TPGS2: variants seen among roughly 807,000 people sequenced by gnomAD.
TPGS2 encodes polyglutamylase subunit 2.
TPGS2 carries 26 observed loss-of-function variants against 31.1 expected under a neutral mutation model. The ratio of observed to expected loss-of-function variants is 0.84; its 90% CI spans 0.61 to 1.16. The LOEUF (loss-of-function observed/expected upper bound fraction) is 1.16, where lower values mean the gene tolerates loss of function less well. TPGS2 is among the 50% of genes most tolerant of loss of function. The pLI, the probability that TPGS2 is intolerant of heterozygous loss-of-function variation, is 0.00. For missense variants in TPGS2, 351 were observed against 363.8 expected (o/e 0.96, Z 0.29); for synonymous variants, 130 against 136.6 (o/e 0.95, Z 0.34).
chr18:36,784,723 TAAAG>T (rs1371268442), intron 6 of TPGS2, among the ~76,000 whole-genome samples: 1 of 152,214 alleles, frequency 6.6e-6, no homozygotes, highest in African/African-American at 2.4e-5. Context: ...ATTTTTCATA[TAAAG>T]AAACTGAGGA....
chr18:36,781,830 G>T, downstream of TPGS2: 2 of 985,424 alleles, frequency 2.0e-6, no homozygotes, highest in Non-Finnish European at 2.4e-6. Context: ...GCAGACATTT[G>T]TCAAATAGTA....
At chr18:36,793,310 C>G (rs1343981153), downstream of TPGS2, among the ~76,000 whole-genome samples, 1 of 152,168 alleles carries the variant, frequency 6.6e-6, no homozygotes, top group East Asian at 1.9e-4. Context: ...GCAGAGAACT[C>G]CATTGGACCC....
chr18:36,819,235 T>C (rs943184407), intron 1 of TPGS2, among the ~76,000 whole-genome samples: 1 of 152,164 alleles, frequency 6.6e-6, no homozygotes, highest in African/African-American at 2.4e-5. Flanking sequence ...ATTAATCTTA[T>C]TGAACAAAAA....
chr18:36,803,108 T>G (rs2150585262), intron 4 of TPGS2, among the ~76,000 whole-genome samples: 1 of 152,316 alleles, frequency 6.6e-6, no homozygotes, highest in South Asian at 2.1e-4. Context: ...TATCTACCAC[T>G]AGTATTTATC....
At chr18:36,814,877 T>G (rs1240720257) in intron 2 of TPGS2, among the ~76,000 whole-genome samples, 1 of 152,252 alleles carries the variant, frequency 6.6e-6, no homozygotes, top group Non-Finnish European at 1.5e-5. Flanking sequence ...TTACTTATAC[T>G]GTAGTTTCTT....
chr18:36,800,117 G>A (rs2044730401), intron 5 of TPGS2, 81 bp downstream of exon 5: 1 of 1,254,190 alleles, frequency 8.0e-7, no homozygotes, highest in African/African-American at 1.5e-5. Context: ...GGAGGTATGT[G>A]TCTCCTGAGC....
Position 36,795,239 on chromosome 18 carries a change from C to T in TPGS2, c.*1566G>A. The T allele has an allele frequency of 1.0e-6, 1 of 985,434 alleles. No individual in the cohort carries two copies. The highest frequency in any genetic ancestry group is 1.2e-6 in the Non-Finnish European group (1 of 829,944). 61.0% of individuals were successfully genotyped at this position (985,434 alleles called of 1,614,324 possible). Reference sequence around the variant, plus strand: ...AAGTGCATGTGGAGAATCCTGTGGACTGCTCTTAGTTCCCCAGTGGGTTTG... The same window carrying T: ...AAGTGCATGTGGAGAATCCTGTGGATTGCTCTTAGTTCCCCAGTGGGTTTG... On this transcript the variant is annotated 3_prime_UTR_variant, in exon 7 of 7. Transcript: ENST00000334295.
intron 4 of TPGS2, among the ~76,000 whole-genome samples, chr18:36,803,360 T>C (rs1220746743): frequency 6.6e-6 from 1 of 152,184 alleles, no homozygotes; most frequent in Admixed American, 6.5e-5. Flanking sequence ...TGGGGTTTTG[T>C]GTCCTCATCT....
intron 1 of TPGS2, among the ~76,000 whole-genome samples, chr18:36,823,605 C>T (rs1231337348): frequency 2.0e-5 from 3 of 151,048 alleles, no homozygotes; most frequent in South Asian, 4.2e-4. Context: ...GGACTACAGG[C>T]GCCCGCTACC....
rs2044644566 is a variant in TPGS2, at chr18:36,798,542, G to A, written c.564C>T (p.Thr188=). ...TGAGCAGGCGGTAATAGGCAGTAAAGGTGTCTGTGAGAAAATGCCAGTATA... is the reference window on the plus strand; with the variant it reads ...TGAGCAGGCGGTAATAGGCAGTAAAAGTGTCTGTGAGAAAATGCCAGTATA... The part of the protein sequence containing the change: ...RALYWHFLTD[T]FTAYYRLLIT... The change falls in exon 6 of 7, where the codon ACC becomes ACT. Residue 188 remains threonine, a synonymous_variant. Coordinates refer to ENST00000334295, the MANE Select transcript of TPGS2 (RefSeq NM_015476.4). 10 of 1,614,208 alleles carry A rather than the reference G, an allele frequency of 6.2e-6. No individual in the cohort carries two copies. Among genetic ancestry groups the A allele is most frequent in the Non-Finnish European group, 7.6e-6 (9 of 1,180,038 alleles).
In TPGS2 at chr18:36,802,530, C is replaced by A. The variant is rs564743644; in HGVS notation, c.383-2219G>T. Among the ~76,000 whole-genome samples, 14 of 151,934 alleles carry A rather than the reference C, an allele frequency of 9.2e-5. No individual in the cohort carries two copies. In the East Asian group the frequency reaches 2.7e-3, roughly 29 times the overall value. On this transcript the variant is annotated intron_variant, in intron 4 of 6. Coordinates refer to ENST00000334295, the MANE Select transcript of TPGS2 (RefSeq NM_015476.4). The stretch of plus-strand genomic sequence containing the variant: ...TACAATGTCACCGTTTTCAGTTCCT[C>A]CCTGAAATTTTAGTTTGGTTTTACC...
chr18:36,823,903 C>T (rs550007460), intron 1 of TPGS2: 22 of 973,962 alleles, frequency 2.3e-5, no homozygotes, highest in Non-Finnish European at 2.6e-5. Flanking sequence ...CTAATAGTAC[C>T]GTGTTTAGAA....
chr18:36,808,439 C>A (rs572845434), intron 2 of TPGS2, among the ~76,000 whole-genome samples: 1 of 152,022 alleles, frequency 6.6e-6, no homozygotes, highest in Non-Finnish European at 1.5e-5. Context: ...GAGATGGAGA[C>A]CATCTTGGCT....
intron 2 of TPGS2, 116 bp downstream of exon 2, chr18:36,818,778 C>A: frequency 3.2e-6 from 3 of 942,632 alleles, no homozygotes; most frequent in Non-Finnish European, 4.8e-6. Flanking sequence ...GTAAACTCTA[C>A]CTTGAAAGCA....
At chr18:36,813,113 C>T (rs2045502522) in intron 2 of TPGS2, among the ~76,000 whole-genome samples, 1 of 152,210 alleles carries the variant, frequency 6.6e-6, no homozygotes, top group Admixed American at 6.5e-5. Context: ...TTCCTATTTG[C>T]TTAAGCTATT....
At chr18:36,800,707 T>C (rs1290000153) in intron 4 of TPGS2, among the ~76,000 whole-genome samples, 2 of 151,630 alleles carry the variant, frequency 1.3e-5, no homozygotes, top group Non-Finnish European at 2.9e-5. Context: ...TTTTTTTTTT[T>C]GAGATGGAGT....
rs112046079 is a variant in TPGS2, at chr18:36,799,726, G to C, written c.496+472C>G. On this transcript the variant is annotated intron_variant, in intron 5 of 6. Transcript: ENST00000334295. Reference sequence around the variant, plus strand: ...TGTAGTTTCACAGTCCCTAGGCTGGGGTCTGAAGTGCTGTTAGGGGGCTAG... The same window carrying C: ...TGTAGTTTCACAGTCCCTAGGCTGGCGTCTGAAGTGCTGTTAGGGGGCTAG... Among the ~76,000 whole-genome samples the C allele has an allele frequency of 6.4e-3, 974 of 152,262 alleles. 15 individuals carry two copies. Among genetic ancestry groups the C allele is most frequent in the African/African-American group, 0.022 (901 of 41,542 alleles).
intron 6 of TPGS2, among the ~76,000 whole-genome samples, chr18:36,784,615 A>C (rs1216942817): frequency 1.3e-5 from 2 of 152,200 alleles, no homozygotes; most frequent in East Asian, 3.8e-4. Context: ...TGGACTTTCT[A>C]AGTGATTTCT....
In TPGS2 at chr18:36,828,830, C is replaced by G; in HGVS notation, c.-63G>C. 2 of 1,580,504 alleles carry G rather than the reference C, an allele frequency of 1.3e-6. No individual in the cohort carries two copies. Among genetic ancestry groups the G allele is most frequent in the East Asian group, 4.5e-5 (2 of 44,548 alleles). On this transcript the variant is annotated 5_prime_UTR_variant, in exon 1 of 7. Transcript: ENST00000334295. ...GGAGGGCCGGACCCCGCCTCAGCGCCGAGGCCAATTTCATGGCATGCCGGG... is the reference window on the plus strand; with the variant it reads ...GGAGGGCCGGACCCCGCCTCAGCGCGGAGGCCAATTTCATGGCATGCCGGG...
Sources: gnomAD v4.1 joint callset for allele counts (sites outside exome capture counted in the v4.1 genomes callset) on GRCh38, gnomAD v4.1.1 for gene constraint, MANE v1.5 for transcripts, NCBI Gene and HGNC (gene_info 2026-07-23, HGNC 2026-07-21) for gene names.